LPCAT2: variants seen among roughly 807,000 people sequenced by gnomAD.
The protein encoded by LPCAT2 is lysophosphatidylcholine acyltransferase 2, also known as 1-AGP acyltransferase 11.
Under a neutral mutation model 64.7 loss-of-function variants are expected in LPCAT2, and 58 were observed. The ratio of observed to expected loss-of-function variants is 0.90; its 90% CI spans 0.73 to 1.12. The LOEUF is 1.12. Among genes scored for constraint, LPCAT2 ranks in the 50% most tolerant of loss-of-function variants. The pLI is 0.00. For missense variants in LPCAT2, 579 were observed against 669.8 expected (o/e 0.86, Z 1.50); for synonymous variants, 252 against 245.3 (o/e 1.03, Z -0.26).
intron 8 of LPCAT2, among the ~76,000 whole-genome samples, chr16:55,543,547 C>T (rs1030073152): frequency 4.0e-5 from 6 of 151,658 alleles, no homozygotes; most frequent in African/African-American, 1.5e-4. Flanking sequence ...CTGTTTTTTT[C>T]TTGGATTTTA....
rs1012836210 is a variant in LPCAT2 at position 55,586,114 on chromosome 16, T to C, written c.*3016T>C. The stretch of plus-strand genomic sequence containing the variant: ...AACTCAATTTTATGTTAAATTGTTA[T>C]ATCAGAGTGACAAATAAGTGCTATG... On this transcript the variant is annotated 3_prime_UTR_variant, in exon 14 of 14. Transcript: ENST00000262134. 6.7e-6 allele frequency: 1 copy of C among 149,934 alleles called. No homozygotes were observed. Among genetic ancestry groups the C allele is most frequent in the Non-Finnish European group, 1.5e-5 (1 of 67,632 alleles). 9.3% of individuals were successfully genotyped at this position (149,934 alleles called of 1,614,324 possible). A position where few individuals can be genotyped will look rare whatever the true frequency, so the allele number is the denominator to read the frequency against.
At chr16:55,514,996 G>A (rs1962989779) in intron 1 of LPCAT2, among the ~76,000 whole-genome samples, 1 of 150,766 alleles carries the variant, frequency 6.6e-6, no homozygotes, top group South Asian at 2.1e-4. Flanking sequence ...TTGAAAACAG[G>A]TCAACTGAGA....
At chr16:55,533,854 G>C (rs1963289089) in intron 6 of LPCAT2, among the ~76,000 whole-genome samples, 1 of 152,060 alleles carries the variant, frequency 6.6e-6, no homozygotes, top group African/African-American at 2.4e-5. Context: ...GTTCTGAGAG[G>C]AACTTTCTTT....
chr16:55,533,681 G>A (rs534284796), intron 6 of LPCAT2, among the ~76,000 whole-genome samples: 135 of 152,152 alleles, frequency 8.9e-4, no homozygotes, highest in African/African-American at 3.2e-3. Flanking sequence ...CCAAAGTGCT[G>A]GGATTACAGG....
chr16:55,509,292 G>A lies in LPCAT2; in HGVS notation c.111G>A (p.Pro37=), dbSNP rs1962887293. ...TGCCCCGTCAGGCGTCCTTCTTCCC[G>A]CCGCCGGTGCCGAACCCCTTCGTGC... The part of the protein sequence containing the change: ...PMVPRQASFF[P]PPVPNPFVQQ... The change falls in exon 1 of 14, where the codon CCG becomes CCA. Residue 37 remains proline, a synonymous_variant. Coordinates refer to ENST00000262134, the MANE Select transcript of LPCAT2 (RefSeq NM_017839.5). 2.0e-6 allele frequency: 3 copies of A among 1,510,640 alleles called. No individual in the cohort carries two copies. The highest frequency in any genetic ancestry group is 1.4e-5 in the African/African-American group (1 of 69,984). 93.6% of individuals were successfully genotyped at this position (1,510,640 alleles called of 1,614,324 possible).
At chr16:55,541,873 T>C (rs1805214980) in intron 8 of LPCAT2, 2 of 1,287,598 alleles carry the variant, frequency 1.6e-6, no homozygotes, top group Admixed American at 2.3e-5. Context: ...GCAGCAAGCA[T>C]TGTTTAAAAA....
chr16:55,555,117 G>A (rs1238986921), intron 11 of LPCAT2, among the ~76,000 whole-genome samples: 1 of 152,186 alleles, frequency 6.6e-6, no homozygotes, highest in African/African-American at 2.4e-5. Flanking sequence ...AAGTGAGCAC[G>A]TACTGTTGGA....
intron 8 of LPCAT2, among the ~76,000 whole-genome samples, chr16:55,544,682 T>G (rs1963433585): frequency 6.6e-6 from 1 of 152,164 alleles, no homozygotes; most frequent in Non-Finnish European, 1.5e-5. Flanking sequence ...CAGAATTAGC[T>G]TTCCTGTGTG....
intron 12 of LPCAT2, among the ~76,000 whole-genome samples, chr16:55,577,354 G>A (rs1251148500): frequency 6.6e-6 from 1 of 151,826 alleles, no homozygotes; most frequent in East Asian, 1.9e-4. Flanking sequence ...CTCTGTTTTT[G>A]ATCTTGTATT....
Position 55,529,885 on chromosome 16 carries a change from T to TGG in LPCAT2, c.580_581insGG (p.Ser194TrpfsTer7). On this transcript the variant is annotated frameshift_variant, in exon 4 of 14. Coordinates refer to ENST00000262134, the MANE Select transcript of LPCAT2 (RefSeq NM_017839.5). LOFTEE classifies it high-confidence loss of function. ...TTTGGTGTCCCGTGTAGATCCGGAT[T>TGG]CCCGAAAAAACACAATAAATGAAAT... 6.7e-7 allele frequency: 1 copy of TGG among 1,486,376 alleles called. No homozygotes were observed. Among genetic ancestry groups the TGG allele is most frequent in the African/African-American group, 1.9e-5 (1 of 53,608 alleles). The allele number at this position is 1,486,376 out of a possible 1,614,324, so 92.1% of individuals were successfully genotyped here. A position where few individuals can be genotyped will look rare whatever the true frequency, so the allele number is the denominator to read the frequency against.
chr16:55,543,018 T>C (rs1963415092), intron 8 of LPCAT2, among the ~76,000 whole-genome samples: 1 of 152,208 alleles, frequency 6.6e-6, no homozygotes, highest in Non-Finnish European at 1.5e-5. Flanking sequence ...CATGTTCACC[T>C]CTCTTTGATT....
intron 2 of LPCAT2, among the ~76,000 whole-genome samples, chr16:55,527,662 T>C (rs1963190561): frequency 6.6e-6 from 1 of 152,160 alleles, no homozygotes; most frequent in Non-Finnish European, 1.5e-5. Context: ...CTGGCATAGT[T>C]CCTGACACAG....
At chr16:55,569,248 T>A (rs1408801231) in intron 11 of LPCAT2, among the ~76,000 whole-genome samples, 1 of 152,156 alleles carries the variant, frequency 6.6e-6, no homozygotes, top group Non-Finnish European at 1.5e-5. Context: ...CACATATAAT[T>A]CTGAACTGAG....
chr16:55,518,837 A>G (rs569470409), intron 1 of LPCAT2, among the ~76,000 whole-genome samples: 2 of 152,318 alleles, frequency 1.3e-5, no homozygotes, highest in South Asian at 4.1e-4. Context: ...AGAAGAGAAC[A>G]TAAGTGTAGA....
intron 8 of LPCAT2, among the ~76,000 whole-genome samples, chr16:55,543,036 C>A (rs1291953349): frequency 6.6e-6 from 1 of 152,124 alleles, no homozygotes; most frequent in Non-Finnish European, 1.5e-5. Flanking sequence ...ATTGATTTTC[C>A]TTTCCAAATA....
chr16:55,574,965 G>A (rs1370979000), intron 12 of LPCAT2, among the ~76,000 whole-genome samples: 2 of 151,928 alleles, frequency 1.3e-5, no homozygotes, highest in African/African-American at 2.4e-5. Context: ...TTGAAGAGCA[G>A]GAGATTTCAC....
chr16:55,579,032 A>T, intron 12 of LPCAT2, 77 bp from the exon 13 acceptor site: 1 of 1,382,660 alleles, frequency 7.2e-7, no homozygotes, highest in Non-Finnish European at 1.0e-6. Flanking sequence ...TTGAATTATT[A>T]AAGACTTTAT....
rs753836596 is a variant in LPCAT2, at chr16:55,551,029, T to G, written c.1142T>G (p.Ile381Ser). The change falls in exon 11 of 14, where the codon ATT (isoleucine) becomes AGT (serine). Residue 381 changes from isoleucine to serine, a missense_variant. Ile to Ser is a moderately radical substitution (Grantham distance 142). Coordinates refer to ENST00000262134, the MANE Select transcript of LPCAT2 (RefSeq NM_017839.5). ...ASSSKGGRIG[I>S]EEFAKYLKLP... The stretch of plus-strand genomic sequence containing the variant: ...TCCTCAAAAGGAGGAAGAATTGGAA[T>G]TGAAGAATTCGCCAAGTATTTAAAG... The G allele has an allele frequency of 6.2e-7, 1 of 1,613,226 alleles. No individual in the cohort carries two copies. Among genetic ancestry groups the G allele is most frequent in the African/African-American group, 1.3e-5 (1 of 74,924 alleles).
chr16:55,542,317 TG>T (rs1432212135), intron 8 of LPCAT2, among the ~76,000 whole-genome samples: 1 of 152,056 alleles, frequency 6.6e-6, no homozygotes, highest in African/African-American at 2.4e-5. Flanking sequence ...AAGTTAAGTA[TG>T]GGGAAGGTAC....
Sources: gnomAD v4.1 joint callset for allele counts (sites outside exome capture counted in the v4.1 genomes callset) on GRCh38, gnomAD v4.1.1 for gene constraint, MANE v1.5 for transcripts, NCBI Gene and HGNC (gene_info 2026-07-23, HGNC 2026-07-21) for gene names.